The following C3orf20 variants were observed in gnomAD, a reference collection of about 807,000 sequenced individuals.
C3orf20 encodes the protein uncharacterized protein C3orf20.
A neutral mutation model predicts 88.3 loss-of-function variants in C3orf20; 76 were observed. That is an observed-to-expected ratio of 0.86 (90% CI 0.72 to 1.04). C3orf20 has a LOEUF of 1.04. Ranked by LOEUF, C3orf20 falls within the 50% of genes least tolerant of loss-of-function variation. The pLI is 0.00. For missense variants in C3orf20, 1,056 were observed against 1,123.3 expected, an observed-to-expected ratio of 0.94 and a Z score of 0.86; for synonymous variants, 436 against 437.4, an observed-to-expected ratio of 1.00 and a Z score of 0.04.
In C3orf20 at chr3:14,684,244, G is replaced by A. The variant is rs763498506; in HGVS notation, c.487G>A (p.Gly163Ser). ...MKAMVESMSV[G>S]ANPLDITRRF... ...GTTGCTTTCTATCATTGCTTTAGTG[G>A]GTGCCAACCCCTTGGACATCACCAG... Residue 163 changes from glycine (G) to serine (S), a missense_variant and splice_region_variant, in exon 4 of 17, where the codon GGT becomes AGT. Transcript: ENST00000253697. 15 of 1,613,880 alleles carry A rather than the reference G, an allele frequency of 9.3e-6. No individual in the cohort carries two copies. Among genetic ancestry groups the A allele is most frequent in the Non-Finnish European group, 1.3e-5 (15 of 1,179,944 alleles).
At chr3:14,733,331 T>G (rs186681061) in intron 12 of C3orf20, among the ~76,000 whole-genome samples, 1 of 152,216 alleles carries the variant, frequency 6.6e-6, no homozygotes, top group Non-Finnish European at 1.5e-5. Flanking sequence ...AAACTCAACT[T>G]GGTTATGATA....
chr3:14,706,000 G>A (rs1302650409), intron 7 of C3orf20, among the ~76,000 whole-genome samples: 1 of 152,098 alleles, frequency 6.6e-6, no homozygotes, highest in African/African-American at 2.4e-5. Flanking sequence ...AGATGGAAGT[G>A]GATCTCATTT....
At chr3:14,700,964 G>A (rs1362063109) in intron 5 of C3orf20, among the ~76,000 whole-genome samples, 2 of 152,216 alleles carry the variant, frequency 1.3e-5, no homozygotes, top group Non-Finnish European at 2.9e-5. Flanking sequence ...CTGAGGGGAC[G>A]GCAGCTATTT....
intron 12 of C3orf20, among the ~76,000 whole-genome samples, chr3:14,745,914 C>T (rs1229266534): frequency 6.6e-6 from 1 of 152,164 alleles, no homozygotes; most frequent in Non-Finnish European, 1.5e-5. Flanking sequence ...CAGCATCATA[C>T]AACCATCACC....
At position 14,690,045 on chromosome 3, in the gene C3orf20, T is replaced by C; in HGVS notation, c.674T>C (p.Leu225Pro). The C allele has an allele frequency of 6.2e-7, 1 of 1,614,228 alleles. No individual in the cohort carries two copies. The highest frequency in any genetic ancestry group is 8.5e-7 in the Non-Finnish European group (1 of 1,180,028). ...SAIGVNSPYQ[L>P]IYHSSTACLS... ...ATTGGGGTGAACTCGCCTTACCAGC[T>C]GATCTACCACTCTTCCACAGCCTGT... is the stretch of plus-strand genomic sequence containing the variant. The change falls in exon 5 of 17, where the codon CTG (leucine) becomes CCG (proline). Residue 225 changes from leucine to proline, a missense_variant. Physicochemically the swap from Leu to Pro is moderately conservative, Grantham distance 98 (BLOSUM62 -3). Coordinates refer to ENST00000253697, the MANE Select transcript of C3orf20 (RefSeq NM_032137.5).
chr3:14,758,879 A>G (rs539911665), intron 13 of C3orf20, among the ~76,000 whole-genome samples: 10 of 152,330 alleles, frequency 6.6e-5, no homozygotes, highest in African/African-American at 2.4e-4. Flanking sequence ...CCAACCTCCA[A>G]TTTAGTTCAA....
intron 8 of C3orf20, among the ~76,000 whole-genome samples, chr3:14,714,506 G>A (rs1405711067): frequency 6.6e-6 from 1 of 152,172 alleles, no homozygotes; most frequent in Non-Finnish European, 1.5e-5. Flanking sequence ...TGAAGGAGAG[G>A]CATGAACACA....
intron 10 of C3orf20, chr3:14,722,060 C>A: frequency 2.7e-6 from 1 of 372,218 alleles, no homozygotes; most frequent in Non-Finnish European, 4.9e-6. Context: ...ACTGAGAAGT[C>A]TGTCAATATG....
At chr3:14,702,660 C>G (rs1394002635) in intron 5 of C3orf20, among the ~76,000 whole-genome samples, 1 of 152,038 alleles carries the variant, frequency 6.6e-6, no homozygotes, top group Non-Finnish European at 1.5e-5. Context: ...AGGCTTGTCT[C>G]GAACTCCTGA....
At chr3:14,759,618 G>C (rs998436125) in intron 13 of C3orf20, among the ~76,000 whole-genome samples, 1 of 152,208 alleles carries the variant, frequency 6.6e-6, no homozygotes, top group Non-Finnish European at 1.5e-5. Flanking sequence ...GGACCCCAGA[G>C]AGCCAGGCTA....
intron 12 of C3orf20, among the ~76,000 whole-genome samples, chr3:14,754,334 C>T (rs1390144330): frequency 6.6e-6 from 1 of 152,192 alleles, no homozygotes; most frequent in Non-Finnish European, 1.5e-5. Flanking sequence ...CCTCAGGGAA[C>T]CTCTAGACAG....
At chr3:14,745,533 G>A (rs2035034074) in intron 12 of C3orf20, among the ~76,000 whole-genome samples, 1 of 152,044 alleles carries the variant, frequency 6.6e-6, no homozygotes, top group South Asian at 2.1e-4. Context: ...TAGGTGTTCT[G>A]TGATTAGCCC....
intron 12 of C3orf20, among the ~76,000 whole-genome samples, chr3:14,731,102 A>G (rs1333023083): frequency 2.0e-5 from 3 of 152,114 alleles, no homozygotes; most frequent in Admixed American, 1.3e-4. Flanking sequence ...CCCCCCAACC[A>G]AGAGAAAGAA....
chr3:14,733,868 T>C (rs1396381563), intron 12 of C3orf20, among the ~76,000 whole-genome samples: 4 of 152,294 alleles, frequency 2.6e-5, no homozygotes, highest in African/African-American at 4.8e-5. Context: ...TTTGTATTTT[T>C]AGTAGGGACG....
At chr3:14,677,023 T>C (rs1190673528) in intron 1 of C3orf20, among the ~76,000 whole-genome samples, 2 of 152,208 alleles carry the variant, frequency 1.3e-5, no homozygotes, top group Non-Finnish European at 2.9e-5. Flanking sequence ...CTTTTATGCA[T>C]CTAGTGAGGG....
intron 12 of C3orf20, among the ~76,000 whole-genome samples, chr3:14,729,489 C>T (rs1351885494): frequency 6.6e-6 from 1 of 152,050 alleles, no homozygotes; most frequent in African/African-American, 2.4e-5. Flanking sequence ...GGAGTTTGGT[C>T]ATGTAGCCTT....
intron 5 of C3orf20, among the ~76,000 whole-genome samples, chr3:14,693,398 G>A (rs572186327): frequency 8.5e-5 from 13 of 152,092 alleles, no homozygotes; most frequent in African/African-American, 1.9e-4. Flanking sequence ...TCAGTTTTTT[G>A]CATCAGTGTT....
intron 9 of C3orf20, among the ~76,000 whole-genome samples, chr3:14,721,445 G>T (rs1187892987): frequency 1.3e-5 from 2 of 152,236 alleles, no homozygotes; most frequent in East Asian, 3.8e-4. Context: ...GAATAAGGAA[G>T]CATCATTTAC....
At chr3:14,754,270 C>T (rs1221439923) in intron 12 of C3orf20, among the ~76,000 whole-genome samples, 4 of 152,172 alleles carry the variant, frequency 2.6e-5, no homozygotes, top group Admixed American at 2.6e-4. Context: ...GGGACTGCTC[C>T]AGCCCTGAGA....
Sources: allele counts gnomAD v4.1 joint callset (sites outside exome capture counted in the v4.1 genomes callset), GRCh38; gene constraint gnomAD v4.1.1; transcripts MANE v1.5; gene names NCBI Gene and HGNC (gene_info 2026-07-23, HGNC 2026-07-21).